EDIL3: variants seen among roughly 807,000 people sequenced by gnomAD.
EDIL3 encodes the protein EGF like and discoidin domains 3, also known as EGF-like repeat and discoidin I-like domain-containing protein 3.
Under a neutral mutation model 67.4 loss-of-function variants are expected in EDIL3, and 37 were observed. The observed-to-expected ratio is 0.55, with a 90% CI of 0.42 to 0.72. EDIL3 has a LOEUF of 0.72. Among genes scored for constraint, EDIL3 ranks in the 30% least tolerant of loss-of-function variants. EDIL3 has a pLI of 0.00. For missense variants in EDIL3, 527 were observed against 586.3 expected, an observed-to-expected ratio of 0.90 and a Z score of 1.04; for synonymous variants, 195 against 196.3, an observed-to-expected ratio of 0.99 and a Z score of 0.05.
chr5:84,118,503 C>A (rs1747714739), intron 5 of EDIL3, among the ~76,000 whole-genome samples: 1 of 152,158 alleles, frequency 6.6e-6, no homozygotes, highest in Admixed American at 6.5e-5. Context: ...TAAAGCACCT[C>A]ATTGAGTCTT....
Position 83,941,551 on chromosome 5 carries a change from G to A in EDIL3, c.*1868C>T, listed in dbSNP as rs968983765. On this transcript the variant is annotated 3_prime_UTR_variant, in exon 11 of 11. Coordinates refer to ENST00000296591, the MANE Select transcript of EDIL3 (RefSeq NM_005711.5). ...AAGAAACTGGCTAAAGAGTAAGTGTGTGTATATTTCTGAACCTAAGTAATT... is the reference window on the plus strand; with the variant it reads ...AAGAAACTGGCTAAAGAGTAAGTGTATGTATATTTCTGAACCTAAGTAATT... 1.3e-5 allele frequency: 2 copies of A among 152,086 alleles called. No individual in the cohort carries two copies. Among genetic ancestry groups the A allele is most frequent in the East Asian group, 3.9e-4 (2 of 5,168 alleles). The allele number at this position is 152,086 out of a possible 1,614,324, so 9.4% of individuals were successfully genotyped here.
intron 2 of EDIL3, among the ~76,000 whole-genome samples, chr5:84,236,860 A>C (rs2112051990): frequency 6.6e-6 from 1 of 152,180 alleles, no homozygotes; most frequent in South Asian, 2.1e-4. Context: ...AAAACGAAGA[A>C]ACTTGTAAGG....
At chr5:84,261,867 AC>A (rs1386996802) in intron 1 of EDIL3, among the ~76,000 whole-genome samples, 1 of 152,166 alleles carries the variant, frequency 6.6e-6, no homozygotes, top group Non-Finnish European at 1.5e-5. Flanking sequence ...TATTTTTAAG[AC>A]ATTTTTCTTT....
chr5:83,988,357 A>G (rs1356458892), intron 9 of EDIL3, among the ~76,000 whole-genome samples: 1 of 152,192 alleles, frequency 6.6e-6, no homozygotes, highest in Non-Finnish European at 1.5e-5. Context: ...TATATTTATT[A>G]AATGTAAATA....
At chr5:84,031,687 G>A (rs1745926619) in intron 9 of EDIL3, among the ~76,000 whole-genome samples, 1 of 152,128 alleles carries the variant, frequency 6.6e-6, no homozygotes, top group Admixed American at 6.5e-5. Context: ...CTACCATGCT[G>A]GCACTCTGAT....
chr5:84,151,410 A>T (rs1292559354), intron 4 of EDIL3, among the ~76,000 whole-genome samples: 1 of 152,138 alleles, frequency 6.6e-6, no homozygotes, highest in Non-Finnish European at 1.5e-5. Context: ...TGTGAGAACC[A>T]TGCAGTCCAA....
chr5:84,199,391 C>T lies in EDIL3; in HGVS notation c.227-18870G>A, dbSNP rs370599697. ...AAAACATGATCTAACCCAAAGTGAG[C>T]ACCTTCTGGGAGATGGTTTTCTGCT... On this transcript the variant is annotated intron_variant, in intron 3 of 10. Transcript: ENST00000296591. Among the ~76,000 whole-genome samples, 8 of 152,086 alleles carry T rather than the reference C, an allele frequency of 5.3e-5. No individual in the cohort carries two copies. In the South Asian group the frequency reaches 1.4e-3, roughly 28 times the overall value.
intron 6 of EDIL3, among the ~76,000 whole-genome samples, chr5:84,080,615 A>G (rs1746948884): frequency 1.5e-5 from 1 of 65,560 alleles, no homozygotes; most frequent in African/African-American, 6.4e-5. Flanking sequence ...ATGTGACTGG[A>G]AAAGAAAAGG....
intron 6 of EDIL3, among the ~76,000 whole-genome samples, chr5:84,087,638 G>A (rs1391789299): frequency 1.3e-5 from 2 of 152,144 alleles, no homozygotes; most frequent in South Asian, 2.1e-4. Flanking sequence ...TGAGATTGAC[G>A]AGAATACAAA....
intron 5 of EDIL3, among the ~76,000 whole-genome samples, chr5:84,132,477 T>C (rs1748000980): frequency 1.2e-5 from 1 of 80,718 alleles, no homozygotes; most frequent in African/African-American, 5.0e-5. Flanking sequence ...ATATAATATA[T>C]ATTTTAATAT....
intron 1 of EDIL3, among the ~76,000 whole-genome samples, chr5:84,307,094 G>A (rs1348045334): frequency 6.6e-6 from 1 of 152,138 alleles, no homozygotes; most frequent in East Asian, 1.9e-4. Context: ...GATCTAGTTA[G>A]GAAGGTACAA....
At position 84,117,322 on chromosome 5, in the gene EDIL3, G is replaced by T. The variant is rs371174979; in HGVS notation, c.470-10492C>A. Among the ~76,000 whole-genome samples the T allele has an allele frequency of 3.0e-4, 46 of 152,034 alleles. No individual in the cohort carries two copies. In the South Asian group the frequency reaches 9.5e-3, roughly 32 times the overall value. On this transcript the variant is annotated intron_variant, in intron 5 of 10. Transcript: ENST00000296591. ...TGGGATTACAAGCGTGAGCCACCGC[G>T]CCCGGCCAAGTACTTATTTTTGTTG...
intron 4 of EDIL3, among the ~76,000 whole-genome samples, chr5:84,150,853 A>G (rs1748377124): frequency 6.6e-6 from 1 of 152,212 alleles, no homozygotes; most frequent in African/African-American, 2.4e-5. Context: ...TTACTATAGT[A>G]ATAACCCCAA....
At chr5:84,223,844 CT>C (rs1744397356) in intron 3 of EDIL3, among the ~76,000 whole-genome samples, 1 of 151,256 alleles carries the variant, frequency 6.6e-6, no homozygotes, top group Non-Finnish European at 1.5e-5. Flanking sequence ...AATCATTTTA[CT>C]ATATATATGT....
chr5:84,336,456 AGAG>A (rs1009254440), intron 1 of EDIL3, among the ~76,000 whole-genome samples: 1 of 152,196 alleles, frequency 6.6e-6, no homozygotes, highest in Non-Finnish European at 1.5e-5. Context: ...AGAATGGATT[AGAG>A]GAGGCTGAAA....
rs143145089 is a variant in EDIL3, at chr5:84,003,648, C to T, written c.1138-40288G>A. Among the ~76,000 whole-genome samples, 6 of 152,206 alleles carry T rather than the reference C, an allele frequency of 3.9e-5. No homozygotes were observed. The East Asian group carries it at 1.2e-3, about 29-fold the overall frequency. On this transcript the variant is annotated intron_variant, in intron 9 of 10. Coordinates refer to ENST00000296591, the MANE Select transcript of EDIL3 (RefSeq NM_005711.5). ...CTAAGGAAAATCATTACCACCAGAC[C>T]TCTATTACAAGAAGTACTTAAGGGA...
chr5:84,190,485 A>G (rs1452898740), intron 3 of EDIL3, among the ~76,000 whole-genome samples: 3 of 151,596 alleles, frequency 2.0e-5, no homozygotes, highest in Non-Finnish European at 2.9e-5. Flanking sequence ...TTTTCTACAT[A>G]TCAATTAGAC....
At chr5:84,361,719 A>G (rs912997939) in intron 1 of EDIL3, among the ~76,000 whole-genome samples, 21 of 151,882 alleles carry the variant, frequency 1.4e-4, no homozygotes, top group African/African-American at 3.9e-4. Context: ...TGGGAATTCA[A>G]TTGGTCTATC....
chr5:84,066,593 CT>C lies in EDIL3; in HGVS notation c.664del (p.Arg222GlyfsTer3). Reference sequence around the variant, plus strand: ...AATCACACCAGTAACTCTCATTTTCCTTTGCAAATTTATCTGAAAAGACGAG... The same window carrying C: ...AATCACACCAGTAACTCTCATTTTCCTTGCAAATTTATCTGAAAAGACGAG... Reference protein sequence around the residue: ...RWPWIQINLQRKMRVTGVITQ... With the variant: ...RWPWIQINLQXKMRVTGVITQ... On this transcript the variant is annotated frameshift_variant, in exon 7 of 11. Coordinates refer to ENST00000296591, the MANE Select transcript of EDIL3 (RefSeq NM_005711.5). LOFTEE classifies it high-confidence loss of function. 6.2e-7 allele frequency: 1 copy of C among 1,611,910 alleles called. No individual in the cohort carries two copies. The highest frequency in any genetic ancestry group is 8.5e-7 in the Non-Finnish European group (1 of 1,179,504).
Sources: gnomAD v4.1 joint callset for allele counts (sites outside exome capture counted in the v4.1 genomes callset) on GRCh38, gnomAD v4.1.1 for gene constraint, MANE v1.5 for transcripts, NCBI Gene and HGNC (gene_info 2026-07-23, HGNC 2026-07-21) for gene names.